The following SMCO2 variants were observed in gnomAD, a reference collection of about 807,000 sequenced individuals.
SMCO2 encodes the protein single-pass membrane protein with coiled-coil domains 2.
SMCO2 carries 25 observed loss-of-function variants against 29.5 expected under a neutral mutation model. That is an observed-to-expected ratio of 0.85 (90% CI 0.62 to 1.18). The LOEUF (loss-of-function observed/expected upper bound fraction) is 1.18. SMCO2 is among the 50% of genes most tolerant of loss of function. The pLI, the probability that SMCO2 is intolerant of heterozygous loss-of-function variation, is 0.00. For synonymous variants in SMCO2, 117 were observed against 123.3 expected (o/e 0.95, Z 0.34); for missense variants, 348 against 344.5 (o/e 1.01, Z -0.08).
chr12:27,432,323 A>G, the SMCO2 span, among the ~76,000 whole-genome samples: 1 of 152,086 alleles, frequency 6.6e-6, no homozygotes, highest in African/African-American at 2.4e-5. Context: ...GTCTATTTCC[A>G]TCTCAGTTGC....
upstream of SMCO2, among the ~76,000 whole-genome samples, chr12:27,462,738 T>C (rs149742318): frequency 2.5e-3 from 380 of 152,356 alleles, no homozygotes; most frequent in African/African-American, 8.5e-3. Flanking sequence ...TTCACAATAG[T>C]AATTGAGAGT....
exon 8 of SMCO2, chr12:27,502,034 A>G (rs1943085726): frequency 6.5e-7 from 1 of 1,548,122 alleles, no homozygotes; most frequent in Non-Finnish European, 8.7e-7. Context: ...TGCTTCTGAG[A>G]ATGCTTGGGT....
chr12:27,491,948 G>C (rs996885482), intron 5 of SMCO2, among the ~76,000 whole-genome samples: 2 of 151,974 alleles, frequency 1.3e-5, no homozygotes, highest in Non-Finnish European at 2.9e-5. Flanking sequence ...GACCTCAAGC[G>C]ATTCTCCCAC....
At position 27,475,732 on chromosome 12, in the gene SMCO2, G is replaced by A; in HGVS notation, c.362+819G>A. ...ATGTAACAGAAAACACAGTGAAGAG[G>A]TAATTGTAGGGTGTTGGGGTTGGTC... On this transcript the variant is annotated intron_variant, in intron 4 of 7. Transcript: ENST00000298876. The A allele has an allele frequency of 1.3e-6, 2 of 1,543,420 alleles. No individual in the cohort carries two copies. Among genetic ancestry groups the A allele is most frequent in the East Asian group, 2.5e-5 (1 of 40,544 alleles).
chr12:27,463,497 C>A (rs573163360), upstream of SMCO2, among the ~76,000 whole-genome samples: 7 of 152,246 alleles, frequency 4.6e-5, no homozygotes, highest in Non-Finnish European at 1.5e-5. Context: ...AAACTCCTGA[C>A]CTCAAGTGAT....
chr12:27,486,777 A>G (rs960107322), intron 4 of SMCO2, among the ~76,000 whole-genome samples: 5 of 152,246 alleles, frequency 3.3e-5, no homozygotes, highest in African/African-American at 9.6e-5. Flanking sequence ...TATTTGGGCC[A>G]GAGGGCTTTA....
chr12:27,437,169 G>T, the SMCO2 span, among the ~76,000 whole-genome samples: 1 of 152,166 alleles, frequency 6.6e-6, no homozygotes, highest in Non-Finnish European at 1.5e-5. Flanking sequence ...ACTTTGGGAG[G>T]CTGAGGCGGG....
At chr12:27,474,810 C>A in exon 4 of SMCO2, 1 of 1,551,708 alleles carries the variant, frequency 6.4e-7, no homozygotes, top group Non-Finnish European at 8.7e-7. Context: ...AGAGGCTGAG[C>A]ATGACCAGGA....
intron 4 of SMCO2, among the ~76,000 whole-genome samples, chr12:27,477,210 GTTTTTT>G (rs770789669): frequency 6.4e-5 from 4 of 62,668 alleles, no homozygotes; most frequent in African/African-American, 3.1e-4. Flanking sequence ...TGGCTGTCAG[GTTTTTT>G]TTTTTTTTTT....
chr12:27,439,964 G>C, the SMCO2 span, among the ~76,000 whole-genome samples: 2 of 152,134 alleles, frequency 1.3e-5, no homozygotes, highest in Admixed American at 1.3e-4. Flanking sequence ...CCCTAAACTT[G>C]AGAAAGATAT....
chr12:27,440,392 G>A, the SMCO2 span, among the ~76,000 whole-genome samples: 2 of 152,162 alleles, frequency 1.3e-5, no homozygotes, highest in South Asian at 2.1e-4. Context: ...ACACTAACGT[G>A]CAAAGGAAAA....
the SMCO2 span, among the ~76,000 whole-genome samples, chr12:27,436,865 C>T: frequency 5.3e-5 from 8 of 152,158 alleles, no homozygotes; most frequent in Non-Finnish European, 8.8e-5. Context: ...AGTTGTCTTG[C>T]CCATTCCCTA....
the SMCO2 span, among the ~76,000 whole-genome samples, chr12:27,435,753 T>C: frequency 6.6e-6 from 1 of 152,032 alleles, no homozygotes; most frequent in East Asian, 1.9e-4. Flanking sequence ...GGTGACCCCA[T>C]TTCTACACTA....
the SMCO2 span, among the ~76,000 whole-genome samples, chr12:27,433,170 A>T: frequency 6.6e-6 from 1 of 152,190 alleles, no homozygotes; most frequent in Non-Finnish European, 1.5e-5. Flanking sequence ...ACGTACACAC[A>T]TATAGACGTG....
the SMCO2 span, among the ~76,000 whole-genome samples, chr12:27,434,880 GGAA>G: frequency 6.6e-6 from 1 of 152,120 alleles, no homozygotes; most frequent in Non-Finnish European, 1.5e-5. Context: ...AGTGTCTGTA[GGAA>G]GCTGTCTGCT....
chr12:27,443,438 T>A, the SMCO2 span, among the ~76,000 whole-genome samples: 1 of 152,192 alleles, frequency 6.6e-6, no homozygotes, highest in Admixed American at 6.5e-5. Flanking sequence ...GGAAGGCCTT[T>A]CCTCTAAAGA....
chr12:27,497,135 G>C (rs1231227888), intron 7 of SMCO2: 2 of 155,876 alleles, frequency 1.3e-5, no homozygotes, highest in African/African-American at 5.0e-5. Context: ...AAATCTTCAG[G>C]CCTTTTGTAA....
chr12:27,497,977 A>G, intron 7 of SMCO2: 2 of 313,198 alleles, frequency 6.4e-6, no homozygotes, highest in Non-Finnish European at 6.4e-6. Flanking sequence ...AGTTTAATAT[A>G]TGTTCAGATG....
chr12:27,459,112 G>A, the SMCO2 span, among the ~76,000 whole-genome samples: 48 of 149,302 alleles, frequency 3.2e-4, no homozygotes, highest in South Asian at 8.1e-3. Flanking sequence ...GCATGAACCC[G>A]GGAAGTGGAG....
Sources: gnomAD v4.1 joint callset for allele counts (sites outside exome capture counted in the v4.1 genomes callset) on GRCh38, gnomAD v4.1.1 for gene constraint, MANE v1.5 for transcripts, NCBI Gene and HGNC (gene_info 2026-07-23, HGNC 2026-07-21) for gene names.